SLC10A7: variants seen among roughly 807,000 people sequenced by gnomAD.
SLC10A7 encodes the protein sodium/bile acid cotransporter 7.
SLC10A7 carries 29 observed loss-of-function variants against 43.2 expected under a neutral mutation model. That is an observed-to-expected ratio of 0.67 (90% CI 0.50 to 0.92). The LOEUF is 0.92. Among genes scored for constraint, SLC10A7 ranks in the 40% least tolerant of loss-of-function variants. SLC10A7 has a pLI of 0.00. For synonymous variants in SLC10A7, 152 were observed against 144.8 expected (o/e 1.05, Z -0.35); for missense variants, 295 against 403.2 (o/e 0.73, Z 2.30).
chr4:146,292,310 A>T (rs897551552), intron 9 of SLC10A7, among the ~76,000 whole-genome samples: 1 of 152,214 alleles, frequency 6.6e-6, no homozygotes, highest in African/African-American at 2.4e-5. Context: ...AAATGGAATT[A>T]TCAGTAAGAT....
intron 5 of SLC10A7, among the ~76,000 whole-genome samples, chr4:146,379,338 T>C (rs533904156): frequency 6.6e-6 from 1 of 152,308 alleles, no homozygotes; most frequent in East Asian, 1.9e-4. Flanking sequence ...CTCTCTTTGT[T>C]TAATTGATGA....
intron 10 of SLC10A7, among the ~76,000 whole-genome samples, chr4:146,264,430 C>T (rs1728428844): frequency 6.6e-6 from 1 of 152,076 alleles, no homozygotes; most frequent in South Asian, 2.1e-4. Flanking sequence ...TCAGAGCTTA[C>T]TTACTTGTGT....
chr4:146,477,523 C>A (rs1364169068), intron 4 of SLC10A7, among the ~76,000 whole-genome samples: 4 of 152,134 alleles, frequency 2.6e-5, no homozygotes, highest in Non-Finnish European at 5.9e-5. Flanking sequence ...CCTAAAATAG[C>A]AAATGCATTT....
intron 5 of SLC10A7, among the ~76,000 whole-genome samples, chr4:146,427,014 T>G (rs1316373960): frequency 6.6e-6 from 1 of 152,256 alleles, no homozygotes; most frequent in East Asian, 1.9e-4. Flanking sequence ...CTGAGATTTT[T>G]ATTAGTGTAT....
chr4:146,356,042 A>AT (rs1560829782), intron 5 of SLC10A7, among the ~76,000 whole-genome samples: 19 of 46,956 alleles, frequency 4.0e-4, no homozygotes, highest in African/African-American at 2.0e-3. Flanking sequence ...AGTATAATAA[A>AT]AAAAAAAAAA....
chr4:146,294,153 G>A lies in SLC10A7; in HGVS notation c.556-58C>T, dbSNP rs1001733390. 13 of 1,324,216 alleles carry A rather than the reference G, an allele frequency of 9.8e-6. No individual in the cohort carries two copies. In the Admixed American group the frequency reaches 1.1e-4, roughly 11 times the overall value. 82.0% of individuals were successfully genotyped at this position (1,324,216 alleles called of 1,614,324 possible). ...TCAGAGATGGAGGGAGTTGAAATGG[G>A]CATCACAAAGTGATTCTGACAGGAG... On this transcript the variant is annotated intron_variant, in intron 7 of 11. Transcript: ENST00000335472.
chr4:146,489,254 T>C (rs1735183669), intron 4 of SLC10A7, among the ~76,000 whole-genome samples: 1 of 152,186 alleles, frequency 6.6e-6, no homozygotes, highest in Admixed American at 6.5e-5. Context: ...CATCTGTGGA[T>C]TGAGGCAGTC....
intron 4 of SLC10A7, among the ~76,000 whole-genome samples, chr4:146,460,165 C>T (rs1579244288): frequency 1.3e-5 from 2 of 151,938 alleles, no homozygotes; most frequent in Admixed American, 6.6e-5. Context: ...GCAAGAAGGG[C>T]TAAAACTTAA....
intron 5 of SLC10A7, among the ~76,000 whole-genome samples, chr4:146,373,382 G>C (rs910071432): frequency 6.0e-5 from 9 of 151,232 alleles, no homozygotes; most frequent in Non-Finnish European, 1.2e-4. Flanking sequence ...GCTGAGGTGG[G>C]ACGATAGCTT....
At chr4:146,399,541 A>G (rs547658249) in intron 5 of SLC10A7, among the ~76,000 whole-genome samples, 51 of 152,182 alleles carry the variant, frequency 3.4e-4, no homozygotes, top group Non-Finnish European at 6.0e-4. Context: ...GCATAATTAC[A>G]GCACAAGAGG....
chr4:146,378,980 G>T, intron 5 of SLC10A7, among the ~76,000 whole-genome samples: 1 of 152,068 alleles, frequency 6.6e-6, no homozygotes, highest in African/African-American at 2.4e-5. Flanking sequence ...CCCTTTCCAG[G>T]CCCACAAACA....
At chr4:146,383,093 C>T (rs894313962) in intron 5 of SLC10A7, among the ~76,000 whole-genome samples, 4 of 152,106 alleles carry the variant, frequency 2.6e-5, no homozygotes, top group Non-Finnish European at 4.4e-5. Context: ...AGCCTCATCA[C>T]ACAATAAAAG....
At chr4:146,459,149 T>C (rs1579241505) in intron 4 of SLC10A7, among the ~76,000 whole-genome samples, 1 of 151,842 alleles carries the variant, frequency 6.6e-6, no homozygotes, top group South Asian at 2.1e-4. Flanking sequence ...GCTAACAAAA[T>C]ACGTGTAGAC....
chr4:146,393,600 G>T (rs1390732906), intron 5 of SLC10A7, among the ~76,000 whole-genome samples: 3 of 152,156 alleles, frequency 2.0e-5, no homozygotes, highest in South Asian at 4.1e-4. Context: ...ATGAACAAAT[G>T]TTTCTTCTTG....
rs755329461 is a variant in SLC10A7 at position 146,305,991 on chromosome 4, CAGA to C, written c.487_489del (p.Ser163del). The C allele has an allele frequency of 3.5e-5, 56 of 1,608,428 alleles. No homozygotes were observed. Among genetic ancestry groups the C allele is most frequent in the Admixed American group, 3.2e-4 (19 of 58,862 alleles). On this transcript the variant is annotated inframe_deletion, in exon 7 of 12. Transcript: ENST00000335472. ...TGAGAAAAAATAGATGTGAAAGGCA[CAGA>C]AGAAGATGAACCAAGCTGTAAAACA...
chr4:146,510,758 A>G (rs1737387042), intron 2 of SLC10A7, among the ~76,000 whole-genome samples: 1 of 152,210 alleles, frequency 6.6e-6, no homozygotes, highest in East Asian at 1.9e-4. Flanking sequence ...AATAAGACCT[A>G]TCACATTTCA....
intron 4 of SLC10A7, among the ~76,000 whole-genome samples, chr4:146,479,211 C>A (rs765254318): frequency 2.0e-5 from 3 of 152,088 alleles, no homozygotes; most frequent in Non-Finnish European, 4.4e-5. Flanking sequence ...AAATACCCAA[C>A]GCACTCATCT....
chr4:146,439,237 C>T (rs183048373), intron 5 of SLC10A7, among the ~76,000 whole-genome samples: 5 of 152,078 alleles, frequency 3.3e-5, no homozygotes, highest in Non-Finnish European at 5.9e-5. Flanking sequence ...ACAAAAACAG[C>T]GTTCTATAAT....
intron 5 of SLC10A7, among the ~76,000 whole-genome samples, chr4:146,409,746 C>T (rs1447407992): frequency 6.6e-6 from 1 of 152,030 alleles, no homozygotes; most frequent in Non-Finnish European, 1.5e-5. Context: ...GAGCCGTTGT[C>T]CTATATATTA....
Sources: gnomAD v4.1 joint callset for allele counts (sites outside exome capture counted in the v4.1 genomes callset) on GRCh38, gnomAD v4.1.1 for gene constraint, MANE v1.5 for transcripts, NCBI Gene and HGNC (gene_info 2026-07-23, HGNC 2026-07-21) for gene names.